The following GRIA3 variants were observed in gnomAD, a reference collection of about 807,000 sequenced individuals.
GRIA3 encodes the protein glutamate ionotropic receptor AMPA type subunit 3.
Under a neutral mutation model 63.0 loss-of-function variants are expected in GRIA3, and 3 were observed. That is an observed-to-expected ratio of 0.05 (90% confidence interval 0.02 to 0.12). GRIA3 has a LOEUF of 0.12. Ranked by LOEUF, GRIA3 falls within the 10% of genes least tolerant of loss-of-function variation. The pLI, the probability that GRIA3 is intolerant of heterozygous loss-of-function variation, is 1.00. For synonymous variants in GRIA3, 274 were observed against 257.9 expected (o/e 1.06, Z -0.60); for missense variants, 347 against 700.9 (o/e 0.50, Z 5.70).
intron 6 of GRIA3, among the ~76,000 whole-genome samples, chrX:123,396,339 T>C (rs1190585398): frequency 9.1e-6 from 1 of 110,417 alleles, no homozygotes; most frequent in Non-Finnish European, 1.9e-5. Context: ...CGTCAGAACA[T>C]AATACAAGTG....
chrX:123,329,897 T>C (rs1052181606), intron 4 of GRIA3, among the ~76,000 whole-genome samples: 2 of 112,021 alleles, frequency 1.8e-5, no homozygotes, highest in Admixed American at 1.9e-4. Context: ...TTATCTATTC[T>C]GAAGAGATCC....
chrX:123,226,630 C>T (rs1047228131), intron 2 of GRIA3, among the ~76,000 whole-genome samples: 4 of 111,420 alleles, frequency 3.6e-5, no homozygotes, highest in Non-Finnish European at 7.5e-5. Context: ...CTGAGACCAG[C>T]ACTTTTTACT....
At chrX:123,291,648 T>C (rs2044656618) in intron 3 of GRIA3, among the ~76,000 whole-genome samples, 1 of 111,118 alleles carries the variant, frequency 9.0e-6, no homozygotes, top group African/African-American at 3.3e-5. Context: ...AAGCTCTTCC[T>C]TTTTGCTTCT....
intron 2 of GRIA3, 141 bp from the exon 3 acceptor site, chrX:123,253,162 G>A: frequency 3.2e-6 from 2 of 616,477 alleles, no homozygotes; most frequent in South Asian, 2.4e-5. Context: ...CTCTTCTCCT[G>A]TTGGGTAACT....
At chrX:123,219,653 CT>C (rs1928243769) in intron 2 of GRIA3, among the ~76,000 whole-genome samples, 2 of 111,999 alleles carry the variant, frequency 1.8e-5, no homozygotes, top group Admixed American at 9.4e-5. Context: ...GGATGCCAGA[CT>C]GTACTCTGAG....
At chrX:123,465,305 C>T (rs1428249275) in intron 13 of GRIA3, among the ~76,000 whole-genome samples, 193 bp downstream of exon 13, 2 of 110,525 alleles carry the variant, frequency 1.8e-5, no homozygotes, top group African/African-American at 3.3e-5. Flanking sequence ...TTTTAATGTT[C>T]TCTCTCTGTG....
At chrX:123,361,036 A>C (rs1260630893) in intron 5 of GRIA3, among the ~76,000 whole-genome samples, 1 of 110,528 alleles carries the variant, frequency 9.0e-6, no homozygotes, top group Non-Finnish European at 1.9e-5. Context: ...CTAAAACAAG[A>C]GCATTACTCA....
At chrX:123,218,028 A>T (rs1928201794) in intron 2 of GRIA3, among the ~76,000 whole-genome samples, 2 of 112,925 alleles carry the variant, frequency 1.8e-5, no homozygotes, top group African/African-American at 6.4e-5. Flanking sequence ...AAAACTGTAG[A>T]GGAAGAAAAC....
At chrX:123,349,206 G>A (rs1336008981) in intron 4 of GRIA3, among the ~76,000 whole-genome samples, 2 of 112,257 alleles carry the variant, frequency 1.8e-5, no homozygotes, top group African/African-American at 3.2e-5. Flanking sequence ...TTTGAGAAAT[G>A]CTGTTTTAGG....
At chrX:123,404,478 C>T (rs1345258631) in intron 9 of GRIA3, among the ~76,000 whole-genome samples, 1 of 105,207 alleles carries the variant, frequency 9.5e-6, no homozygotes, top group African/African-American at 3.5e-5. Flanking sequence ...AACTGAAATC[C>T]TTCTCTGCTT....
intron 2 of GRIA3, among the ~76,000 whole-genome samples, chrX:123,248,641 C>T (rs776818034): frequency 9.0e-5 from 10 of 110,903 alleles, no homozygotes; most frequent in Non-Finnish European, 1.9e-4. Flanking sequence ...CAAAAATTAG[C>T]CGGGCATGGT....
chrX:123,267,772 C>T (rs1048156166), intron 3 of GRIA3, among the ~76,000 whole-genome samples: 1 of 111,897 alleles, frequency 8.9e-6, no homozygotes, highest in African/African-American at 3.2e-5. Flanking sequence ...AATGCATCTT[C>T]CTTCTTGGTT....
intron 2 of GRIA3, among the ~76,000 whole-genome samples, chrX:123,219,249 T>A (rs1194321620): frequency 8.9e-6 from 1 of 112,591 alleles, no homozygotes; most frequent in Non-Finnish European, 1.9e-5. Flanking sequence ...TACCTATGAT[T>A]CTTGCTTTGT....
chrX:123,304,448 A>G (rs769070689), intron 3 of GRIA3, among the ~76,000 whole-genome samples: 1 of 111,778 alleles, frequency 8.9e-6, no homozygotes, highest in South Asian at 3.8e-4. Context: ...GATTTCTTAC[A>G]TGGCCTCTAT....
In GRIA3 at chrX:123,342,260, C is replaced by A. The variant is rs989195539; in HGVS notation, c.697-12650C>A. ...GACATTTCTCTTTACCCCATCCCCA[C>A]TCTATTTCCTGAAAGAACAATTAAG... On this transcript the variant is annotated intron_variant, in intron 4 of 15. Transcript: ENST00000620443. Among the ~76,000 whole-genome samples, 4 of 112,049 alleles carry A rather than the reference C, an allele frequency of 3.6e-5. No homozygotes were observed. The Admixed American group carries it at 3.8e-4, about 11-fold the overall frequency.
At chrX:123,377,620 A>C (rs1252695739) in intron 5 of GRIA3, among the ~76,000 whole-genome samples, 1 of 112,490 alleles carries the variant, frequency 8.9e-6, no homozygotes, top group East Asian at 2.8e-4. Context: ...GAAGCTTAGC[A>C]AGCATTATAG....
intron 3 of GRIA3, among the ~76,000 whole-genome samples, chrX:123,275,867 G>A (rs772291954): frequency 4.5e-5 from 5 of 111,991 alleles, no homozygotes; most frequent in Admixed American, 3.8e-4. Context: ...GTGCCTTTTC[G>A]TGTATCATTG....
chrX:123,361,196 G>A (rs183753005), intron 5 of GRIA3: 19 of 111,712 alleles, frequency 1.7e-4, no homozygotes, highest in African/African-American at 6.2e-4. Context: ...TAGTTATGCT[G>A]TTTTGCTTGC....
In GRIA3 at chrX:123,417,688, C is replaced by A. The variant is rs1262031181; in HGVS notation, c.1787C>A (p.Pro596His). Residue 596 changes from proline to histidine, a missense_variant, in exon 11 of 16, where the codon CCT becomes CAT. Transcript: ENST00000620443. ...GAAGAACCTCGTGACCCACAAAGTCCTCCTGATCCTCCAAATGAATTTGGA... is the reference window on the plus strand; with the variant it reads ...GAAGAACCTCGTGACCCACAAAGTCATCCTGATCCTCCAAATGAATTTGGA... The part of the protein sequence containing the change: ...NNEEPRDPQS[P>H]PDPPNEFGIF... 1 of 1,170,235 alleles carries A rather than the reference C, an allele frequency of 8.5e-7. No individual in the cohort carries two copies. Among genetic ancestry groups the A allele is most frequent in the East Asian group, 3.0e-5 (1 of 33,465 alleles).
Sources: allele counts gnomAD v4.1 joint callset (sites outside exome capture counted in the v4.1 genomes callset), GRCh38; gene constraint gnomAD v4.1.1; transcripts MANE v1.5; gene names NCBI Gene and HGNC (gene_info 2026-07-23, HGNC 2026-07-21).